Variants in CAMK1D observed in about 807,000 individuals in gnomAD.
CAMK1D encodes the protein calcium/calmodulin-dependent protein kinase type 1D.
In CAMK1D, 9 loss-of-function variants were observed where a neutral mutation model predicts 47.7. The observed-to-expected ratio is 0.19, with a 90% CI of 0.11 to 0.33. The LOEUF (loss-of-function observed/expected upper bound fraction) is 0.33. Among genes scored for constraint, CAMK1D ranks in the 10% least tolerant of loss-of-function variants. The pLI is 1.00. For synonymous variants in CAMK1D, 184 were observed against 184.9 expected (o/e 0.99, Z 0.04); for missense variants, 291 against 488.7 (o/e 0.60, Z 3.81).
intron 1 of CAMK1D, among the ~76,000 whole-genome samples, chr10:12,505,976 G>T (rs1323561884): frequency 1.3e-5 from 2 of 152,196 alleles, no homozygotes; most frequent in African/African-American, 4.8e-5. Context: ...GACGGAAGGA[G>T]AATGTAGGTT....
chr10:12,486,564 A>G (rs1053263076), intron 1 of CAMK1D, among the ~76,000 whole-genome samples: 50 of 151,670 alleles, frequency 3.3e-4, no homozygotes, highest in Admixed American at 2.0e-4. Flanking sequence ...TACAGACACT[A>G]TTAGTTCTGT....
intron 1 of CAMK1D, among the ~76,000 whole-genome samples, chr10:12,426,426 A>T (rs561664871): frequency 7.2e-5 from 11 of 152,030 alleles, no homozygotes; most frequent in African/African-American, 2.4e-4. Flanking sequence ...TTGTGTTTTA[A>T]GTAGACACGG....
chr10:12,753,486 A>T (rs1180090195), intron 3 of CAMK1D, among the ~76,000 whole-genome samples: 1 of 152,196 alleles, frequency 6.6e-6, no homozygotes, highest in Non-Finnish European at 1.5e-5. Flanking sequence ...TTAGACTAAA[A>T]GTTTATAGAG....
chr10:12,618,571 AG>A (rs1301124033), intron 2 of CAMK1D, among the ~76,000 whole-genome samples: 2 of 152,218 alleles, frequency 1.3e-5, no homozygotes, highest in Non-Finnish European at 2.9e-5. Context: ...CATATTCAGA[AG>A]AAAGCATACA....
intron 6 of CAMK1D, among the ~76,000 whole-genome samples, chr10:12,791,631 C>G (rs761289450): frequency 2.6e-5 from 4 of 152,082 alleles, no homozygotes; most frequent in Non-Finnish European, 5.9e-5. Flanking sequence ...CAAGGCCCAT[C>G]CATGGTGTAG....
At chr10:12,675,638 C>G (rs1840781394) in intron 3 of CAMK1D, among the ~76,000 whole-genome samples, 1 of 152,208 alleles carries the variant, frequency 6.6e-6, no homozygotes, top group African/African-American at 2.4e-5. Flanking sequence ...CATCTTTCTT[C>G]CCCCAGTCCT....
At chr10:12,569,588 G>A (rs763501953) in intron 2 of CAMK1D, among the ~76,000 whole-genome samples, 32 of 151,148 alleles carry the variant, frequency 2.1e-4, no homozygotes, top group Non-Finnish European at 3.5e-4. Flanking sequence ...GCTTGGTGGC[G>A]GGCGCCTGTA....
At chr10:12,824,355 C>G (rs1423399466) in intron 8 of CAMK1D, 110 bp from the exon 9 acceptor site, 29 of 893,292 alleles carry the variant, frequency 3.2e-5, no homozygotes, top group Non-Finnish European at 5.1e-5. Flanking sequence ...GCCACCCTGT[C>G]CACGACTGAG....
In CAMK1D at chr10:12,500,207, A is replaced by C. The variant is rs146259934; in HGVS notation, c.93-53018A>C. Among the ~76,000 whole-genome samples the C allele has an allele frequency of 1.3e-3, 199 of 152,314 alleles. 1 individual carries two copies. Among genetic ancestry groups the C allele is most frequent in the African/African-American group, 4.6e-3 (190 of 41,574 alleles). On this transcript the variant is annotated intron_variant, in intron 1 of 10. Transcript: ENST00000619168. ...CTTGAACCTGGAAGGTGGAGGTTGC[A>C]GTGAGCTGAGATTGTGCCACTGTAC...
chr10:12,672,896 C>CTTT (rs750447013), intron 3 of CAMK1D, among the ~76,000 whole-genome samples: 5 of 76,514 alleles, frequency 6.5e-5, no homozygotes, highest in African/African-American at 1.9e-4. Context: ...ATAGGCTTGC[C>CTTT]TTTTTTTTTT....
In CAMK1D at chr10:12,532,455, A is replaced by G. The variant is rs568100231; in HGVS notation, c.93-20770A>G. ...CCACTACGCCTGGCTAATTTTTTGT[A>G]TTTTTAGTAGAGACGGGGTTTCACC... On this transcript the variant is annotated intron_variant, in intron 1 of 10. Coordinates refer to ENST00000619168, the MANE Select transcript of CAMK1D (RefSeq NM_153498.4). Among the ~76,000 whole-genome samples, 12 of 151,862 alleles carry G rather than the reference A, an allele frequency of 7.9e-5. No individual in the cohort carries two copies. The South Asian group carries it at 2.5e-3, about 31-fold the overall frequency.
chr10:12,583,629 G>A (rs1370736709), intron 2 of CAMK1D, among the ~76,000 whole-genome samples: 3 of 148,464 alleles, frequency 2.0e-5, no homozygotes, highest in Non-Finnish European at 3.0e-5. Flanking sequence ...TTGAGATGGA[G>A]TCTCTCTCTG....
intron 2 of CAMK1D, among the ~76,000 whole-genome samples, chr10:12,619,014 G>A (rs1405013595): frequency 1.3e-5 from 2 of 152,198 alleles, no homozygotes; most frequent in South Asian, 2.1e-4. Flanking sequence ...CTCTCTCTCA[G>A]TGCTATGCAG....
rs562712230 is a variant in CAMK1D at position 12,452,201 on chromosome 10, A to G, written c.93-101024A>G. 2.0e-5 allele frequency among the ~76,000 whole-genome samples: 3 copies of G among 152,304 alleles called. No individual in the cohort carries two copies. The South Asian group carries it at 6.2e-4, about 32-fold the overall frequency. ...TGACCTTTGTTCACATTAATGGAGCAGATGATTGCATTGCATTTTTTGGGT... is the reference window on the plus strand; with the variant it reads ...TGACCTTTGTTCACATTAATGGAGCGGATGATTGCATTGCATTTTTTGGGT... On this transcript the variant is annotated intron_variant, in intron 1 of 10. Transcript: ENST00000619168.
At chr10:12,453,512 G>A (rs986918793) in intron 1 of CAMK1D, among the ~76,000 whole-genome samples, 5 of 152,034 alleles carry the variant, frequency 3.3e-5, no homozygotes, top group Non-Finnish European at 7.4e-5. Context: ...TTTTAAGGCC[G>A]AATAATATTC....
Position 12,468,663 on chromosome 10 carries a change from C to T in CAMK1D, c.93-84562C>T, listed in dbSNP as rs534078729. Among the ~76,000 whole-genome samples the T allele has an allele frequency of 3.3e-5, 5 of 152,274 alleles. No homozygotes were observed. In the South Asian group the frequency reaches 8.3e-4, roughly 25 times the overall value. On this transcript the variant is annotated intron_variant, in intron 1 of 10. Transcript: ENST00000619168. ...GAGGGGCCAGCCCTCTGGTGGGGGC[C>T]CTTTGTGCCTATAACCCCCCATGAC... is the stretch of plus-strand genomic sequence containing the variant.
chr10:12,546,428 G>T (rs1341943241), intron 1 of CAMK1D, among the ~76,000 whole-genome samples: 1 of 152,158 alleles, frequency 6.6e-6, no homozygotes, highest in Non-Finnish European at 1.5e-5. Context: ...ATGAAAAAGA[G>T]AAGTTTTGGG....
intron 1 of CAMK1D, among the ~76,000 whole-genome samples, chr10:12,382,008 T>C (rs1838362592): frequency 6.6e-6 from 1 of 152,240 alleles, no homozygotes; most frequent in South Asian, 2.1e-4. Context: ...CCATTTTCCT[T>C]GGAAACTGTG....
chr10:12,547,682 T>TCACACACACACACACACACACACACACA (rs1554786375), intron 1 of CAMK1D, among the ~76,000 whole-genome samples: 9 of 116,554 alleles, frequency 7.7e-5, no homozygotes, highest in African/African-American at 2.6e-4. Flanking sequence ...TTTCTCTCTC[T>TCACACACACACACACACACACACACACA]CACACACACA....
Sources: allele counts gnomAD v4.1 joint callset (sites outside exome capture counted in the v4.1 genomes callset), GRCh38; gene constraint gnomAD v4.1.1; transcripts MANE v1.5; gene names NCBI Gene and HGNC (gene_info 2026-07-23, HGNC 2026-07-21).